Variants in TRMT13 observed in about 807,000 individuals in gnomAD.
The protein encoded by TRMT13 is tRNA methyltransferase 13, also known as tRNA:m(4)X modification enzyme TRM13 homolog.
TRMT13 carries 45 observed loss-of-function variants against 55.9 expected under a neutral mutation model. The observed-to-expected ratio is 0.80, with a 90% CI of 0.63 to 1.03. The LOEUF is 1.03. Among genes scored for constraint, TRMT13 ranks in the 50% least tolerant of loss-of-function variants. The probability of loss-of-function intolerance (pLI) is 0.00; values close to 1 mark genes in which losing one functional copy is unlikely to be tolerated. For synonymous variants in TRMT13, 183 were observed against 196.3 expected (o/e 0.93, Z 0.57); for missense variants, 513 against 563.9 (o/e 0.91, Z 0.91).
rs148180706 is a variant in TRMT13, at chr1:100,147,738, G to A, written c.818-156G>A. On this transcript the variant is annotated intron_variant, in intron 9 of 10. Transcript: ENST00000370141. Reference sequence around the variant, plus strand: ...TAGAAGAGCAAATTTGAATGAAGTTGATAATTCATGATAGTATTATTACAA... The same window carrying A: ...TAGAAGAGCAAATTTGAATGAAGTTAATAATTCATGATAGTATTATTACAA... Among the ~76,000 whole-genome samples the A allele has an allele frequency of 7.3e-3, 1,115 of 152,284 alleles. 9 individuals carry two copies. Among genetic ancestry groups the A allele is most frequent in the African/African-American group, 0.026 (1,071 of 41,552 alleles).
chr1:100,140,340 T>C (rs1280043142), intron 5 of TRMT13, 68 bp from the exon 6 acceptor site: 6 of 1,553,562 alleles, frequency 3.9e-6, no homozygotes, highest in African/African-American at 1.4e-5. Context: ...AATATGTTAC[T>C]ACTATTGTTC....
intron 9 of TRMT13, among the ~76,000 whole-genome samples, chr1:100,146,450 A>G (rs1353974678): frequency 6.6e-6 from 1 of 152,196 alleles, no homozygotes. Flanking sequence ...AGTTCTTTAT[A>G]AAAGATGAAT....
At chr1:100,142,769 GT>G (rs1397062614) in intron 7 of TRMT13, 2 of 231,018 alleles carry the variant, frequency 8.7e-6, no homozygotes, top group Non-Finnish European at 1.7e-5. Flanking sequence ...GATTAGAATG[GT>G]TGTGATCTTT....
rs866802686 is a variant in TRMT13 at position 100,144,767 on chromosome 1, C to T, written c.817+624C>T. Among the ~76,000 whole-genome samples the T allele has an allele frequency of 3.9e-5, 6 of 152,164 alleles. No homozygotes were observed. The South Asian group carries it at 6.2e-4, about 16-fold the overall frequency. On this transcript the variant is annotated intron_variant, in intron 9 of 10. Coordinates refer to ENST00000370141, the MANE Select transcript of TRMT13 (RefSeq NM_019083.3). Reference sequence around the variant, plus strand: ...AGATACTAATATATTAATAATTTACCGGGTTGCATGTAAAGTGTCTGGCAC... The same window carrying T: ...AGATACTAATATATTAATAATTTACTGGGTTGCATGTAAAGTGTCTGGCAC...
chr1:100,140,621 C>A, intron 6 of TRMT13, 107 bp downstream of exon 6: 1 of 941,232 alleles, frequency 1.1e-6, no homozygotes, highest in Non-Finnish European at 1.6e-6. Context: ...TTTGAGGGTA[C>A]CAAATATTTC....
In TRMT13 at chr1:100,143,125, C is replaced by T; in HGVS notation, c.670-12C>T. On this transcript the variant is annotated splice_polypyrimidine_tract_variant and intron_variant, in intron 7 of 10. Coordinates refer to ENST00000370141, the MANE Select transcript of TRMT13 (RefSeq NM_019083.3). ...AAGAAGTGATTATTACAATAATGTT[C>T]TGTTTGTGCAGGTGGATGGAAAACA... 2.5e-6 allele frequency: 4 copies of T among 1,583,932 alleles called. No individual in the cohort carries two copies. The highest frequency in any genetic ancestry group is 3.5e-6 in the Non-Finnish European group (4 of 1,156,766).
At position 100,141,362 on chromosome 1, in the gene TRMT13, AG is replaced by A. The variant is rs560366556; in HGVS notation, c.669+345del. ...TTAAACAATTTTTGAGCATACTGCC[AG>A]GCCCCACCCAGGCTGAAGTACAGTG... is the stretch of plus-strand genomic sequence containing the variant. On this transcript the variant is annotated intron_variant, in intron 7 of 10. Transcript: ENST00000370141. Among the ~76,000 whole-genome samples the A allele has an allele frequency of 1.1e-3, 163 of 152,260 alleles. 1 individual carries two copies. The highest frequency in any genetic ancestry group is 2.9e-3 in the South Asian group (14 of 4,826).
chr1:100,144,962 T>G (rs778608463), intron 9 of TRMT13, among the ~76,000 whole-genome samples: 5 of 152,230 alleles, frequency 3.3e-5, no homozygotes, highest in African/African-American at 4.8e-5. Context: ...TTTTTAAGAC[T>G]ATAGTCATGT....
Position 100,139,699 on chromosome 1 carries a change from ACC to A in TRMT13, c.313_314del (p.Pro105Ter). On this transcript the variant is annotated frameshift_variant, in exon 4 of 11. Coordinates refer to ENST00000370141, the MANE Select transcript of TRMT13 (RefSeq NM_019083.3). LOFTEE classifies it high-confidence loss of function. ...NAGLRDETEI[P>X]EQLVPISSLS... ...CAGGCTTAAGAGATGAAACAGAAAT[ACC>A]TGAACAATTAGTAAGTACATTGACT... 1 of 1,530,596 alleles carries A rather than the reference ACC, an allele frequency of 6.5e-7. No homozygotes were observed. The highest frequency in any genetic ancestry group is 9.0e-7 in the Non-Finnish European group (1 of 1,108,208). The allele number at this position is 1,530,596 out of a possible 1,614,324, so 94.8% of individuals were successfully genotyped here.
chr1:100,144,241 T>G (rs778394756), intron 9 of TRMT13, 98 bp downstream of exon 9: 7 of 815,050 alleles, frequency 8.6e-6, no homozygotes, highest in Non-Finnish European at 1.2e-5. Flanking sequence ...AGATATCTTA[T>G]GTTTACAACT....
At chr1:100,136,831 A>G (rs1655936158) in intron 1 of TRMT13, 51 bp from the exon 2 acceptor site, 7 of 1,417,818 alleles carry the variant, frequency 4.9e-6, no homozygotes, top group Non-Finnish European at 6.7e-6. Flanking sequence ...GGTATCTGTA[A>G]GCAATAAACT....
At chr1:100,135,435 T>C (rs1272735751) in intron 1 of TRMT13, among the ~76,000 whole-genome samples, 2 of 152,174 alleles carry the variant, frequency 1.3e-5, no homozygotes, top group Non-Finnish European at 2.9e-5. Context: ...AATAGCTTCA[T>C]GGACATGCTG....
At chr1:100,139,767 G>C in intron 4 of TRMT13, 56 bp downstream of exon 4, 4 of 1,107,838 alleles carry the variant, frequency 3.6e-6, no homozygotes, top group African/African-American at 1.6e-5. Context: ...CTCTCTTCAT[G>C]ATGTGAATAA....
intron 1 of TRMT13, among the ~76,000 whole-genome samples, chr1:100,134,973 T>G (rs996202262): frequency 4.6e-5 from 7 of 152,218 alleles, no homozygotes; most frequent in African/African-American, 1.7e-4. Context: ...CATATATAGC[T>G]GTGATGACAC....
rs1039597765 is a variant in TRMT13, at chr1:100,140,992, A to T, written c.642A>T (p.Leu214=). 2 of 1,612,904 alleles carry T rather than the reference A, an allele frequency of 1.2e-6. No individual in the cohort carries two copies. Among genetic ancestry groups the T allele is most frequent in the Non-Finnish European group, 1.7e-6 (2 of 1,179,342 alleles). Residue 214 remains leucine, a synonymous_variant, in exon 7 of 11, where the codon CTA becomes CTT. Coordinates refer to ENST00000370141, the MANE Select transcript of TRMT13 (RefSeq NM_019083.3). ...LKDAEKVHFI[L]VEKVTTRFKV... ...ATGCTGAAAAAGTTCACTTCATCCT[A>T]GTGGAAAAGGTGACCACAAGATTCA...
Position 100,140,864 on chromosome 1 carries a change from G to T in TRMT13, c.514G>T (p.Gly172Cys). Residue 172 changes from glycine (G) to cysteine (C), a missense_variant, in exon 7 of 11, where the codon GGT becomes TGT. Around this residue, in one of 3 missense-constraint regions of TRMT13, gnomAD observed 298 missense variants for 290.3 expected, o/e 1.03. Coordinates refer to ENST00000370141, the MANE Select transcript of TRMT13 (RefSeq NM_019083.3). The part of the protein sequence containing the change: ...KHLKQQASIL[G>C]NIENLKLLGP... ...GTGAAGTTTGCAGGCTTCTATTTTA[G>T]GTAACATTGAAAATTTAAAGTTACT... is the stretch of plus-strand genomic sequence containing the variant. The T allele has an allele frequency of 6.2e-7, 1 of 1,612,418 alleles. No individual in the cohort carries two copies. The highest frequency in any genetic ancestry group is 1.1e-5 in the South Asian group (1 of 90,862).
intron 1 of TRMT13, 105 bp from the exon 2 acceptor site, chr1:100,136,777 T>A: frequency 9.1e-7 from 1 of 1,099,116 alleles, no homozygotes; most frequent in Non-Finnish European, 1.3e-6. Context: ...TTGTAAGGTT[T>A]CCTTACCTTG....
chr1:100,141,090 T>C (rs1656565355), intron 7 of TRMT13, 71 bp downstream of exon 7: 2 of 1,333,044 alleles, frequency 1.5e-6, no homozygotes, highest in Non-Finnish European at 2.0e-6. Context: ...AAAAAAGTGA[T>C]AGAAACATTT....
chr1:100,149,021 A>G lies in TRMT13; in HGVS notation c.*201A>G. 6.4e-7 allele frequency: 1 copy of G among 1,553,730 alleles called. No individual in the cohort carries two copies. The highest frequency in any genetic ancestry group is 8.7e-7 in the Non-Finnish European group (1 of 1,154,200). ...AGAATTCACCAAAGTAATCCTCTTT[A>G]GAAGGGCATCTTGAATTATATTATC... On this transcript the variant is annotated 3_prime_UTR_variant, in exon 11 of 11. Coordinates refer to ENST00000370141, the MANE Select transcript of TRMT13 (RefSeq NM_019083.3).
Sources: allele counts gnomAD v4.1 joint callset (sites outside exome capture counted in the v4.1 genomes callset), GRCh38; gene constraint gnomAD v4.1.1; regional missense constraint gnomAD v4.1.1; transcripts MANE v1.5; gene names NCBI Gene and HGNC (gene_info 2026-07-23, HGNC 2026-07-21).